Variants in MYBPC2 observed in about 807,000 individuals in gnomAD.
MYBPC2 encodes the protein myosin-binding protein C, fast-type.
In MYBPC2, 122 loss-of-function variants were observed where a neutral mutation model predicts 137.0. That is an observed-to-expected ratio of 0.89 (90% CI 0.77 to 1.03). The LOEUF is 1.03. Ranked by LOEUF, MYBPC2 falls within the 50% of genes least tolerant of loss-of-function variation. The pLI is 0.00. For missense variants in MYBPC2, 1,500 were observed against 1,534.4 expected, an observed-to-expected ratio of 0.98 and a Z score of 0.37; for synonymous variants, 626 against 612.3, an observed-to-expected ratio of 1.02 and a Z score of -0.33.
chr19:50,455,013 C>T (rs912315541), intron 18 of MYBPC2, 95 bp from the exon 19 acceptor site: 1 of 1,217,756 alleles, frequency 8.2e-7, no homozygotes, highest in African/African-American at 1.5e-5. Context: ...ACCGCCCTGG[C>T]CATGCGATCC....
intron 24 of MYBPC2, among the ~76,000 whole-genome samples, chr19:50,460,791 G>A (rs1453778050): frequency 6.6e-6 from 1 of 151,474 alleles, no homozygotes; most frequent in Non-Finnish European, 1.5e-5. Context: ...CTCTGCCTCT[G>A]AGCTCAGGTG....
rs1385449409 is a variant in MYBPC2 at position 50,465,999 on chromosome 19, C to T, written c.3416-196C>T. Among the ~76,000 whole-genome samples the T allele has an allele frequency of 6.6e-6, 1 of 152,124 alleles. No individual in the cohort carries two copies. The highest frequency in any genetic ancestry group is 1.5e-5 in the Non-Finnish European group (1 of 68,026). On this transcript the variant is annotated intron_variant, in intron 27 of 27. Coordinates refer to ENST00000357701, the MANE Select transcript of MYBPC2 (RefSeq NM_004533.4). The surrounding 1 kb of genome is among the most constrained non-coding windows in gnomAD (Gnocchi z 4.5). ...CGTACAGCCAGCAGCTCAGAATGTC[C>T]CCATCTGGGATCCAAAATACCAGTA... is the stretch of plus-strand genomic sequence containing the variant.
chr19:50,442,453 G>T, intron 9 of MYBPC2, 140 bp downstream of exon 9: 1 of 1,266,654 alleles, frequency 7.9e-7, no homozygotes. Flanking sequence ...AGTGGCTCAC[G>T]CCTGTAATCC....
rs757928903 is a variant in MYBPC2, at chr19:50,436,021, C to T, written c.206C>T (p.Ala69Val). ...DSVSVETGKD[A>V]VVVAKVNGKE... ...CACTCACCCCATGTAGGGAAGGACG[C>T]AGTGGTCGTGGCCAAGGTGAACGGG... The change falls in exon 4 of 28, where the codon GCA (alanine) becomes GTA (valine). Residue 69 changes from alanine to valine, a missense_variant. Physicochemically the swap from Ala to Val is moderately conservative, Grantham distance 64. Coordinates refer to ENST00000357701, the MANE Select transcript of MYBPC2 (RefSeq NM_004533.4). 1.1e-5 allele frequency: 17 copies of T among 1,580,184 alleles called. No homozygotes were observed. Among genetic ancestry groups the T allele is most frequent in the Non-Finnish European group, 1.5e-5 (17 of 1,162,930 alleles).
intron 26 of MYBPC2, 30 bp from the exon 27 acceptor site, chr19:50,464,316 G>A: frequency 6.4e-7 from 1 of 1,573,668 alleles, no homozygotes; most frequent in Non-Finnish European, 8.6e-7. Flanking sequence ...CTCTCTCTAA[G>A]TTGGCCTCCT....
chr19:50,457,686 T>TG lies in MYBPC2; in HGVS notation c.2339-901_2339-900insG, dbSNP rs200836417. On this transcript the variant is annotated intron_variant, in intron 20 of 27. Transcript: ENST00000357701. Reference sequence around the variant, plus strand: ...GCCATGGTACCTGGGGAAAGTTTTTTTTTTTTTTTTTTTGATGGAGTCTTG... The same window carrying TG: ...GCCATGGTACCTGGGGAAAGTTTTTTGTTTTTTTTTTTTTGATGGAGTCTTG... Among the ~76,000 whole-genome samples, 1,067 of 149,654 alleles carry TG rather than the reference T, an allele frequency of 7.1e-3. 7 individuals carry two copies. The highest frequency in any genetic ancestry group is 0.011 in the Non-Finnish European group (736 of 67,368).
chr19:50,461,518 G>C, intron 24 of MYBPC2, 24 bp from the exon 25 acceptor site: 5 of 1,608,468 alleles, frequency 3.1e-6, no homozygotes, highest in Non-Finnish European at 4.2e-6. Flanking sequence ...CGACCCGCCT[G>C]GTCCCTCCCT....
chr19:50,451,395 G>T, intron 15 of MYBPC2, 86 bp downstream of exon 15: 1 of 1,484,568 alleles, frequency 6.7e-7, no homozygotes. Context: ...GGGAGGATAG[G>T]CAGGGCGAGG....
At position 50,465,260 on chromosome 19, in the gene MYBPC2, G is replaced by A. The variant is rs967814770; in HGVS notation, c.3415+728G>A. 6.6e-6 allele frequency among the ~76,000 whole-genome samples: 1 copy of A among 152,180 alleles called. No homozygotes were observed. The highest frequency in any genetic ancestry group is 1.5e-5 in the Non-Finnish European group (1 of 68,032). On this transcript the variant is annotated intron_variant, in intron 27 of 27. Coordinates refer to ENST00000357701, the MANE Select transcript of MYBPC2 (RefSeq NM_004533.4). This position sits in a 1 kb window ranked among gnomAD's most constrained non-coding sequence, Gnocchi z 4.5. The stretch of plus-strand genomic sequence containing the variant: ...CATGATGTCCCAGCCACACCGGGCT[G>A]TTGGCAGTTACACTGGCCAGGCTTT...
At chr19:50,452,504 G>GTATCTATC (rs1208324934) in intron 16 of MYBPC2, among the ~76,000 whole-genome samples, 1,339 of 102,898 alleles carry the variant, frequency 0.013, 10 homozygotes, top group African/African-American at 0.022. Flanking sequence ...ATGTATGTAT[G>GTATCTATC]TATGTATCTA....
intron 18 of MYBPC2, among the ~76,000 whole-genome samples, 157 bp from the exon 19 acceptor site, chr19:50,454,951 G>C (rs1157102312): frequency 6.6e-6 from 1 of 151,980 alleles, no homozygotes; most frequent in Non-Finnish European, 1.5e-5. Context: ...AGGACTGGTG[G>C]CCTCTGAATG....
rs111796788 is a variant in MYBPC2 at position 50,464,415 on chromosome 19, C to T, written c.3298C>T (p.Gln1100Ter). The change falls in exon 27 of 28, where the codon CAA becomes TAA. Residue 1100 changes from glutamine (Q) to a stop codon, truncating the protein, a stop_gained. Transcript: ENST00000357701. LOFTEE classifies it high-confidence loss of function. ...EDPKFLITNY[Q>*]GVLTLNIRRP... is the part of the protein sequence containing the mutation. Reference sequence around the variant, plus strand: ...TCCCAAGTTCCTGATAACCAATTACCAAGGAGTCCTGACGCTGAACATCCG... The same window carrying T: ...TCCCAAGTTCCTGATAACCAATTACTAAGGAGTCCTGACGCTGAACATCCG... 4 of 1,611,464 alleles carry T rather than the reference C, an allele frequency of 2.5e-6. No homozygotes were observed. The highest frequency in any genetic ancestry group is 1.7e-4 in the Middle Eastern group (1 of 6,060).
intron 12 of MYBPC2, 106 bp from the exon 13 acceptor site, chr19:50,448,118 TG>T: frequency 7.5e-7 from 1 of 1,329,916 alleles, no homozygotes; most frequent in Non-Finnish European, 1.0e-6. Context: ...TGTCTGTGGC[TG>T]GTATCCCCAG....
At chr19:50,440,760 A>G (rs2039746352) in intron 7 of MYBPC2, 120 bp from the exon 8 acceptor site, 2 of 1,012,098 alleles carry the variant, frequency 2.0e-6, no homozygotes, top group African/African-American at 1.6e-5. Flanking sequence ...GCGGGAAACA[A>G]TAAGACCCCT....
intron 5 of MYBPC2, 127 bp from the exon 6 acceptor site, chr19:50,437,346 T>G (rs1214644695): frequency 2.2e-5 from 23 of 1,047,992 alleles, no homozygotes; most frequent in Non-Finnish European, 3.2e-5. Flanking sequence ...TGAGCAAGGT[T>G]GTGCTGGTCC....
In MYBPC2 at chr19:50,443,714, C is replaced by T. The variant is rs754912829; in HGVS notation, c.1031C>T (p.Pro344Leu). Residue 344 changes from proline to leucine, a missense_variant, in exon 11 of 28, where the codon CCT (proline) becomes CTT (leucine). Physicochemically the swap from Pro to Leu is moderately conservative, Grantham distance 98. Transcript: ENST00000357701. ...CTCCTGTCCCCCTGCCCCACAGAAC[C>T]TCCAGTCCTAATTGTCACACCTCTT... is the stretch of plus-strand genomic sequence containing the variant. ...KCFTELFVKE[P>L]PVLIVTPLED... 5.0e-5 allele frequency: 80 copies of T among 1,613,662 alleles called. No homozygotes were observed. In the Middle Eastern group the frequency reaches 1.3e-3, roughly 27 times the overall value.
intron 11 of MYBPC2, 133 bp from the exon 12 acceptor site, chr19:50,445,747 C>T (rs530096712): frequency 3.4e-4 from 293 of 868,736 alleles, no homozygotes; most frequent in Admixed American, 7.5e-4. Context: ...GATGCCTCTG[C>T]CACTCATTAT....
At chr19:50,452,052 G>A (rs1601291320) in intron 16 of MYBPC2, 49 bp downstream of exon 16, 1 of 1,524,260 alleles carries the variant, frequency 6.6e-7, no homozygotes, top group Non-Finnish European at 8.9e-7. Flanking sequence ...GTTTAGGCAA[G>A]TCTCTTTCCC....
At position 50,461,973 on chromosome 19, in the gene MYBPC2, A is replaced by T; in HGVS notation, c.3165A>T (p.Ile1055=). 6.3e-7 allele frequency: 1 copy of T among 1,582,700 alleles called. No individual in the cohort carries two copies. The highest frequency in any genetic ancestry group is 2.3e-5 in the East Asian group (1 of 43,294). ...RMAPKFLTPL[I]DRVVVAGYSA... ...CTCCCAAGTTCCTGACACCTCTCATAGACCGCGTGGTCGTGGCTGGGTACT... is the reference window on the plus strand; with the variant it reads ...CTCCCAAGTTCCTGACACCTCTCATTGACCGCGTGGTCGTGGCTGGGTACT... Residue 1055 remains isoleucine (I), a synonymous_variant, in exon 26 of 28, where the codon ATA becomes ATT. Transcript: ENST00000357701.
Sources: gnomAD v4.1 joint callset for allele counts (sites outside exome capture counted in the v4.1 genomes callset) on GRCh38, gnomAD v4.1.1 for gene constraint, Gnocchi (gnomAD v3.1) non-coding constraint, MANE v1.5 for transcripts, NCBI Gene and HGNC (gene_info 2026-07-23, HGNC 2026-07-21) for gene names.